The following POMZP3 variants were observed in gnomAD, a reference collection of about 807,000 sequenced individuals.
POMZP3 encodes POM121 and ZP3 fusion.
Under a neutral mutation model 19.8 loss-of-function variants are expected in POMZP3, and 10 were observed. That is an observed-to-expected ratio of 0.51 (90% CI 0.31 to 0.86). The LOEUF is 0.86. Ranked by LOEUF, POMZP3 falls within the 40% of genes least tolerant of loss-of-function variation. POMZP3 has a pLI of 0.04. For synonymous variants in POMZP3, 57 were observed against 85.8 expected, an observed-to-expected ratio of 0.66 and a Z score of 1.85; for missense variants, 152 against 228.1, an observed-to-expected ratio of 0.67 and a Z score of 2.15.
At chr7:76,626,306 C>T (rs1474878923) in intron 1 of POMZP3, 91 bp from the exon 2 acceptor site, 1 of 1,262,742 alleles carries the variant, frequency 7.9e-7, no homozygotes, top group East Asian at 2.5e-5. Flanking sequence ...AAGACATTTT[C>T]CAAAGAACTT....
intron 3 of POMZP3, among the ~76,000 whole-genome samples, chr7:76,620,253 G>A (rs1246000398): frequency 1.2e-5 from 1 of 85,290 alleles, no homozygotes; most frequent in Non-Finnish European, 2.4e-5. Flanking sequence ...GCGCGAACCC[G>A]GGAGGCAGAG....
In POMZP3 at chr7:76,627,006, T is replaced by C. The variant is rs1293501904; in HGVS notation, c.-450A>G. ...ACTTGGCCGGAGGCGAAGCGAACAG[T>C]GTTCGCCGATGTCGCGCCTTCTGAA... is the stretch of plus-strand genomic sequence containing the variant. On this transcript the variant is annotated 5_prime_UTR_variant, in exon 1 of 7. Coordinates refer to ENST00000310842, the MANE Select transcript of POMZP3 (RefSeq NM_012230.5). 3.7e-5 allele frequency: 50 copies of C among 1,342,614 alleles called. 2 individuals are homozygous for C. The South Asian group carries it at 6.2e-4, about 17-fold the overall frequency. 83.2% of individuals were successfully genotyped at this position (1,342,614 alleles called of 1,614,324 possible).
At chr7:76,611,007 T>C (rs1483744727) in intron 6 of POMZP3, among the ~76,000 whole-genome samples, 1 of 140,250 alleles carries the variant, frequency 7.1e-6, no homozygotes, top group East Asian at 2.1e-4. Context: ...CCCAAGTAGC[T>C]GGGATTACAG....
intron 3 of POMZP3, among the ~76,000 whole-genome samples, chr7:76,621,569 G>T (rs1018176320): frequency 6.6e-6 from 1 of 151,840 alleles, no homozygotes. Context: ...TTCCCAGATG[G>T]TTAAGGCATT....
chr7:76,625,455 A>G, intron 3 of POMZP3, 67 bp downstream of exon 3: 1 of 1,598,412 alleles, frequency 6.3e-7, no homozygotes, highest in African/African-American at 1.3e-5. Flanking sequence ...CTTTACGGGA[A>G]TGTCTACATC....
chr7:76,614,366 G>A (rs1584341323), intron 4 of POMZP3, among the ~76,000 whole-genome samples: 1 of 72,390 alleles, frequency 1.4e-5, no homozygotes, highest in African/African-American at 6.4e-5. Context: ...TGGCCAACAT[G>A]GTGAAACCCC....
chr7:76,626,859 C>T lies in POMZP3; in HGVS notation c.-303G>A. ...GCCTATTCCGCAGGTCCTGGCCCTCCGGAGCGGGGGCGGGCTGCGGCGGCC... is the reference window on the plus strand; with the variant it reads ...GCCTATTCCGCAGGTCCTGGCCCTCTGGAGCGGGGGCGGGCTGCGGCGGCC... On this transcript the variant is annotated 5_prime_UTR_variant, in exon 1 of 7. Transcript: ENST00000310842. The T allele has an allele frequency of 1.4e-6, 2 of 1,392,268 alleles. No individual in the cohort carries two copies. The highest frequency in any genetic ancestry group is 5.6e-5 in the East Asian group (2 of 35,586). The allele number at this position is 1,392,268 out of a possible 1,614,324, so 86.2% of individuals were successfully genotyped here.
rs1420255720 is a variant in POMZP3, at chr7:76,626,956, T to C, written c.-400A>G. 3 of 1,404,700 alleles carry C rather than the reference T, an allele frequency of 2.1e-6. No individual in the cohort carries two copies. The African/African-American group carries it at 4.6e-5, about 21-fold the overall frequency. The allele number at this position is 1,404,700 out of a possible 1,614,324, so 87.0% of individuals were successfully genotyped here. A position where few individuals can be genotyped will look rare whatever the true frequency, so the allele number is the denominator to read the frequency against. ...AGGTCCTTCGAGCAGGGTCCGCGGCTCTAGGAGGTTTCCGTTGGCTGTCGA... is the reference window on the plus strand; with the variant it reads ...AGGTCCTTCGAGCAGGGTCCGCGGCCCTAGGAGGTTTCCGTTGGCTGTCGA... On this transcript the variant is annotated 5_prime_UTR_variant, in exon 1 of 7. Coordinates refer to ENST00000310842, the MANE Select transcript of POMZP3 (RefSeq NM_012230.5).
chr7:76,620,329 TAAAAA>T (rs768106589), intron 3 of POMZP3, among the ~76,000 whole-genome samples: 1 of 28,476 alleles, frequency 3.5e-5, no homozygotes, highest in Non-Finnish European at 6.8e-5. Context: ...CTGTCTCAAA[TAAAAA>T]AAAAAAAAAA....
chr7:76,622,435 G>A (rs987685373), intron 3 of POMZP3, among the ~76,000 whole-genome samples: 1 of 131,846 alleles, frequency 7.6e-6, no homozygotes, highest in Non-Finnish European at 1.6e-5. Context: ...CTGGAGTGCA[G>A]TGGCACGATC....
chr7:76,611,105 C>T (rs1205278585), intron 6 of POMZP3, among the ~76,000 whole-genome samples: 1 of 143,276 alleles, frequency 7.0e-6, no homozygotes, highest in East Asian at 2.0e-4. Flanking sequence ...AACTCCTGAC[C>T]TCAGGTGACC....
chr7:76,625,424 A>G, intron 3 of POMZP3, 98 bp downstream of exon 3: 2 of 1,584,360 alleles, frequency 1.3e-6, no homozygotes, highest in Admixed American at 1.7e-5. Context: ...AAGGCTCACA[A>G]ACTGGAGGTG....
At position 76,610,092 on chromosome 7, in the gene POMZP3, G is replaced by C. The variant is rs1815015083; in HGVS notation, c.*135C>G. 6.9e-7 allele frequency: 1 copy of C among 1,445,212 alleles called. No individual in the cohort carries two copies. Among genetic ancestry groups the C allele is most frequent in the South Asian group, 1.2e-5 (1 of 86,420 alleles). 89.5% of individuals were successfully genotyped at this position (1,445,212 alleles called of 1,614,324 possible). The stretch of plus-strand genomic sequence containing the variant: ...AGTCAGAGTCAGGGACACCACCACA[G>C]CCAGGCCTACGCCCAGCAGCACCAC... On this transcript the variant is annotated 3_prime_UTR_variant, in exon 7 of 7. Transcript: ENST00000310842.
Position 76,616,319 on chromosome 7 carries a change from T to C in POMZP3, c.345+1864A>G, listed in dbSNP as rs948377845. Among the ~76,000 whole-genome samples the C allele has an allele frequency of 1.9e-4, 21 of 113,056 alleles. 1 individual carries two copies. Among genetic ancestry groups the C allele is most frequent in the Non-Finnish European group, 3.6e-4 (19 of 53,018 alleles). 74.2% of individuals were successfully genotyped at this position (113,056 alleles called of 152,430 possible). A position where few individuals can be genotyped will look rare whatever the true frequency, so the allele number is the denominator to read the frequency against. ...AAAAATGCTGGTGGTAGAACCTAGATGGTGTGCACACTGAAGTTCATAGAG... is the reference window on the plus strand; with the variant it reads ...AAAAATGCTGGTGGTAGAACCTAGACGGTGTGCACACTGAAGTTCATAGAG... On this transcript the variant is annotated intron_variant, in intron 4 of 6. Transcript: ENST00000310842.
rs1815942055 is a variant in POMZP3 at position 76,626,965 on chromosome 7, T to C, written c.-409A>G. ...GAGCAGGGTCCGCGGCTCTAGGAGG[T>C]TTCCGTTGGCTGTCGACTTGGCCGG... On this transcript the variant is annotated 5_prime_UTR_variant, in exon 1 of 7. Transcript: ENST00000310842. 7.9e-6 allele frequency: 11 copies of C among 1,399,134 alleles called. No individual in the cohort carries two copies. Among genetic ancestry groups the C allele is most frequent in the Non-Finnish European group, 9.4e-6 (10 of 1,069,336 alleles). 86.7% of individuals were successfully genotyped at this position (1,399,134 alleles called of 1,614,324 possible). A position where few individuals can be genotyped will look rare whatever the true frequency, so the allele number is the denominator to read the frequency against.
intron 3 of POMZP3, among the ~76,000 whole-genome samples, chr7:76,625,150 A>G (rs1815804908): frequency 2.0e-5 from 3 of 148,368 alleles, no homozygotes; most frequent in Admixed American, 6.7e-5. Context: ...AAAAAAAAAA[A>G]AAGACACTAG....
At chr7:76,611,961 G>C in intron 4 of POMZP3, 148 bp from the exon 5 acceptor site, 1 of 1,443,566 alleles carries the variant, frequency 6.9e-7, no homozygotes, top group Non-Finnish European at 9.3e-7. Flanking sequence ...CACTTTGGGA[G>C]GCCAAGGCGG....
Position 76,615,768 on chromosome 7 carries a change from T to G in POMZP3, c.345+2415A>C, listed in dbSNP as rs1268595851. 2.4e-5 allele frequency: 2 copies of G among 84,266 alleles called. 1 individual carries two copies. The highest frequency in any genetic ancestry group is 4.6e-5 in the Non-Finnish European group (2 of 43,092). 5.2% of individuals were successfully genotyped at this position (84,266 alleles called of 1,614,324 possible). A position where few individuals can be genotyped will look rare whatever the true frequency, so the allele number is the denominator to read the frequency against. ...GGGAGGCCAAGGCAGGTGGATCGTT[T>G]GAGGTCGGGTATTCAAGACCAGCCT... On this transcript the variant is annotated intron_variant, in intron 4 of 6. Transcript: ENST00000310842.
rs1321175254 is a variant in POMZP3, at chr7:76,616,376, AAT to A, written c.345+1805_345+1806del. ...AGCAAACACCTATGAAGATTTAGTTAATGTTACAAAATGTGACACCAGGCCCT... is the reference window on the plus strand; with the variant it reads ...AGCAAACACCTATGAAGATTTAGTTAGTTACAAAATGTGACACCAGGCCCT... On this transcript the variant is annotated intron_variant, in intron 4 of 6. Transcript: ENST00000310842. 2.9e-5 allele frequency among the ~76,000 whole-genome samples: 3 copies of A among 102,974 alleles called. 1 individual carries two copies. Among genetic ancestry groups the A allele is most frequent in the Non-Finnish European group, 6.4e-5 (3 of 46,546 alleles). 67.6% of individuals were successfully genotyped at this position (102,974 alleles called of 152,430 possible). A position where few individuals can be genotyped will look rare whatever the true frequency, so the allele number is the denominator to read the frequency against.
Sources: gnomAD v4.1 joint callset for allele counts (sites outside exome capture counted in the v4.1 genomes callset) on GRCh38, gnomAD v4.1.1 for gene constraint, MANE v1.5 for transcripts, NCBI Gene and HGNC (gene_info 2026-07-23, HGNC 2026-07-21) for gene names.